Variants in CASZ1 observed in about 807,000 individuals in gnomAD.
CASZ1 encodes zinc finger protein castor homolog 1.
Under a neutral mutation model 135.2 loss-of-function variants are expected in CASZ1, and 28 were observed. The observed-to-expected ratio is 0.21, with a 90% CI of 0.15 to 0.28. CASZ1 has a LOEUF of 0.28. CASZ1 is among the 10% of genes least tolerant of loss of function. CASZ1 has a pLI of 1.00. For synonymous variants in CASZ1, 1,068 were observed against 1,073.4 expected, an observed-to-expected ratio of 0.99 and a Z score of 0.10; for missense variants, 2,161 against 2,453.3, an observed-to-expected ratio of 0.88 and a Z score of 2.52.
rs1225907025 is a variant in CASZ1 at position 10,676,684 on chromosome 1, G to A, written c.17-11113C>T. ...CTCGACCAGCCTACAGCTCAGAAAC[G>A]AGCCCCTGGCCCGGGGCGAGCAGCC... On this transcript the variant is annotated intron_variant, in intron 4 of 20. Transcript: ENST00000377022. This position sits in a 1 kb window ranked among gnomAD's most constrained non-coding sequence, Gnocchi z 4.5. Among the ~76,000 whole-genome samples, 1 of 152,130 alleles carries A rather than the reference G, an allele frequency of 6.6e-6. No homozygotes were observed. The highest frequency in any genetic ancestry group is 1.5e-5 in the Non-Finnish European group (1 of 68,012).
chr1:10,646,045 G>C lies in CASZ1; in HGVS notation c.3696+83C>G. On this transcript the variant is annotated intron_variant, in intron 17 of 20. Transcript: ENST00000377022. The surrounding 1 kb of genome is among the most constrained non-coding windows in gnomAD (Gnocchi z 6.4). ...GTGTGAGAAATGGAGCCTCTGCCAG[G>C]AGGTGACTGTCCTGTGCCCTGAGCT... is the stretch of plus-strand genomic sequence containing the variant. 1 of 1,317,592 alleles carries C rather than the reference G, an allele frequency of 7.6e-7. No individual in the cohort carries two copies. Among genetic ancestry groups the C allele is most frequent in the Non-Finnish European group, 1.1e-6 (1 of 920,438 alleles). The allele number at this position is 1,317,592 out of a possible 1,614,324, so 81.6% of individuals were successfully genotyped here.
chr1:10,672,299 C>T (rs868277104), intron 4 of CASZ1, among the ~76,000 whole-genome samples: 4 of 151,352 alleles, frequency 2.6e-5, no homozygotes, highest in South Asian at 4.2e-4. Context: ...ACATGCCCCG[C>T]GCCCGGGCCT....
In CASZ1 at chr1:10,666,774, G is replaced by T. The variant is rs1248827922; in HGVS notation, c.17-1203C>A. Among the ~76,000 whole-genome samples the T allele has an allele frequency of 6.6e-6, 1 of 152,200 alleles. No individual in the cohort carries two copies. The highest frequency in any genetic ancestry group is 2.4e-5 in the African/African-American group (1 of 41,454). On this transcript the variant is annotated intron_variant, in intron 4 of 20. Transcript: ENST00000377022. The surrounding 1 kb of genome is among the most constrained non-coding windows in gnomAD (Gnocchi z 5.2). ...CAGCCTGGGACCTGCCACAAAGGCT[G>T]GCGAGGGTGGACACACACACACGCA...
rs558121906 is a variant in CASZ1 at position 10,647,449 on chromosome 1, G to A, written c.3497+352C>T. ...TGTGAGCCACAGAGGAGGCCAATAC[G>A]GAGGCTCGGAGGGAGACGCAGCCCT... is the stretch of plus-strand genomic sequence containing the variant. On this transcript the variant is annotated intron_variant, in intron 16 of 20. Coordinates refer to ENST00000377022, the MANE Select transcript of CASZ1 (RefSeq NM_001079843.3). The surrounding 1 kb of genome is among the most constrained non-coding windows in gnomAD (Gnocchi z 4.9). 7.2e-4 allele frequency: 857 copies of A among 1,185,764 alleles called. 2 individuals carry two copies. The highest frequency in any genetic ancestry group is 8.2e-4 in the Non-Finnish European group (780 of 947,996). 73.5% of individuals were successfully genotyped at this position (1,185,764 alleles called of 1,614,324 possible). A position where few individuals can be genotyped will look rare whatever the true frequency, so the allele number is the denominator to read the frequency against.
chr1:10,649,764 G>T, intron 13 of CASZ1: 1 of 234,448 alleles, frequency 4.3e-6, no homozygotes, highest in Non-Finnish European at 8.3e-6. Context: ...CGGCTCCCTG[G>T]TTATTTTCCT....
chr1:10,747,620 G>A lies in CASZ1; in HGVS notation c.-77+13081C>T, dbSNP rs115911521. Among the ~76,000 whole-genome samples the A allele has an allele frequency of 6.2e-3, 949 of 152,250 alleles. 3 individuals carry two copies. The highest frequency in any genetic ancestry group is 0.01 in the Middle Eastern group (3 of 294). On this transcript the variant is annotated intron_variant, in intron 2 of 20. Transcript: ENST00000377022. The surrounding 1 kb of genome is among the most constrained non-coding windows in gnomAD (Gnocchi z 4.3). ...AAAGCCCAGCCCATGTGCAAGAAAC[G>A]GGAAAGAACCTGCCTTGTGACATCA...
intron 1 of CASZ1, among the ~76,000 whole-genome samples, chr1:10,761,970 G>A (rs372977673): frequency 2.3e-4 from 35 of 152,238 alleles, no homozygotes; most frequent in South Asian, 2.3e-3. Context: ...GCAGCTCTGC[G>A]TTCCTGAAGC....
chr1:10,663,817 T>C lies in CASZ1; in HGVS notation c.505+1266A>G, dbSNP rs978226576. ...GGCGAGGCCTGGATCCCTGAGGCCA[T>C]TGGCAGTTCCAGGCCCGCCTCTGCC... On this transcript the variant is annotated intron_variant, in intron 5 of 20. Transcript: ENST00000377022. Among the ~76,000 whole-genome samples, 5 of 152,186 alleles carry C rather than the reference T, an allele frequency of 3.3e-5. No homozygotes were observed. In the East Asian group the frequency reaches 9.6e-4, roughly 29 times the overall value.
At position 10,642,855 on chromosome 1, in the gene CASZ1, TC is replaced by T. The variant is rs1165494996; in HGVS notation, c.4162+3del. On this transcript the variant is annotated splice_donor_region_variant and intron_variant, in intron 20 of 20. Coordinates refer to ENST00000377022, the MANE Select transcript of CASZ1 (RefSeq NM_001079843.3). ...CCTGCCAGCAGCCCCTGCCTGCCGC[TC>T]ACCTGCCGCGGTGCTCTCGTTACCC... 6.2e-7 allele frequency: 1 copy of T among 1,611,810 alleles called. No homozygotes were observed. The highest frequency in any genetic ancestry group is 1.7e-5 in the Admixed American group (1 of 59,950).
At chr1:10,714,626 T>C (rs977107738) in intron 2 of CASZ1, among the ~76,000 whole-genome samples, 7 of 152,340 alleles carry the variant, frequency 4.6e-5, no homozygotes, top group Admixed American at 4.6e-4. Context: ...CAGCCAGGAA[T>C]GTGCTCCCAG....
intron 1 of CASZ1, among the ~76,000 whole-genome samples, chr1:10,783,141 C>T (rs1244558342): frequency 2.0e-5 from 3 of 152,202 alleles, no homozygotes; most frequent in Admixed American, 6.5e-5. Context: ...CGGCCACCCC[C>T]GCCTCCAGAC....
At chr1:10,692,976 A>G (rs1017835804) in intron 4 of CASZ1, among the ~76,000 whole-genome samples, 10 of 152,218 alleles carry the variant, frequency 6.6e-5, no homozygotes, top group African/African-American at 2.4e-4. Context: ...GGTCCTGGTC[A>G]AAATTTGGTT....
Position 10,647,418 on chromosome 1 carries a change from C to A in CASZ1, c.3497+383G>T. ...TTCACGTGCCCTGCAGAGATTCAGC[C>A]ATGGGTGTGAGCCACAGAGGAGGCC... is the stretch of plus-strand genomic sequence containing the variant. On this transcript the variant is annotated intron_variant, in intron 16 of 20. Transcript: ENST00000377022. The surrounding 1 kb of genome is among the most constrained non-coding windows in gnomAD (Gnocchi z 4.9). The A allele has an allele frequency of 8.9e-7, 1 of 1,121,254 alleles. No individual in the cohort carries two copies. Among genetic ancestry groups the A allele is most frequent in the Non-Finnish European group, 1.1e-6 (1 of 911,828 alleles). The allele number at this position is 1,121,254 out of a possible 1,614,324, so 69.5% of individuals were successfully genotyped here.
intron 2 of CASZ1, among the ~76,000 whole-genome samples, chr1:10,745,885 CTATT>C (rs933312788): frequency 1.3e-5 from 2 of 152,216 alleles, no homozygotes; most frequent in African/African-American, 2.4e-5. Context: ...TCATGAGCTC[CTATT>C]CAAACACAAG....
Position 10,656,631 on chromosome 1 carries a change from T to C in CASZ1, c.1500+15A>G. On this transcript the variant is annotated intron_variant, in intron 8 of 20. Transcript: ENST00000377022. ...TGGTGGCGGAGAGGCGGAGCCCATC[T>C]GGCTGTGGCCGTACCTGGTAGTTAC... The C allele has an allele frequency of 6.3e-7, 1 of 1,579,026 alleles. No homozygotes were observed. Among genetic ancestry groups the C allele is most frequent in the South Asian group, 1.2e-5 (1 of 86,658 alleles).
rs536270844 is a variant in CASZ1, at chr1:10,674,777, A to G, written c.17-9206T>C. 2.0e-5 allele frequency among the ~76,000 whole-genome samples: 3 copies of G among 152,246 alleles called. No homozygotes were observed. The East Asian group carries it at 5.8e-4, about 30-fold the overall frequency. ...TGGCCCTGCTCACCTCTGCCTGGGGATCTGAGAGCTGCCCTAGGCCTCCTG... is the reference window on the plus strand; with the variant it reads ...TGGCCCTGCTCACCTCTGCCTGGGGGTCTGAGAGCTGCCCTAGGCCTCCTG... On this transcript the variant is annotated intron_variant, in intron 4 of 20. Coordinates refer to ENST00000377022, the MANE Select transcript of CASZ1 (RefSeq NM_001079843.3).
Position 10,741,087 on chromosome 1 carries a change from G to T in CASZ1, c.-77+19614C>A, listed in dbSNP as rs1259148167. Among the ~76,000 whole-genome samples the T allele has an allele frequency of 1.3e-5, 2 of 151,966 alleles. No homozygotes were observed. The highest frequency in any genetic ancestry group is 3.9e-4 in the East Asian group (2 of 5,174). On this transcript the variant is annotated intron_variant, in intron 2 of 20. Coordinates refer to ENST00000377022, the MANE Select transcript of CASZ1 (RefSeq NM_001079843.3). The surrounding 1 kb of genome is among the most constrained non-coding windows in gnomAD (Gnocchi z 5.0). ...AGCTCATTGCAACCTCCGTTTCCTG[G>T]GTTCAAGTGATTCTCCTGCCTCAGC...
At chr1:10,752,258 C>T (rs1190013694) in intron 2 of CASZ1, among the ~76,000 whole-genome samples, 1 of 152,236 alleles carries the variant, frequency 6.6e-6, no homozygotes, top group East Asian at 1.9e-4. Flanking sequence ...AGTGGGCCAT[C>T]CCTGCCCACC....
At position 10,755,612 on chromosome 1, in the gene CASZ1, G is replaced by A. The variant is rs923571488; in HGVS notation, c.-77+5089C>T. Reference sequence around the variant, plus strand: ...CTGGGGCCCGTGCATGGCGAGATGCGGGGTTTTCCTGCATCTGCTCCGAAG... The same window carrying A: ...CTGGGGCCCGTGCATGGCGAGATGCAGGGTTTTCCTGCATCTGCTCCGAAG... On this transcript the variant is annotated intron_variant, in intron 2 of 20. Coordinates refer to ENST00000377022, the MANE Select transcript of CASZ1 (RefSeq NM_001079843.3). The surrounding 1 kb of genome is among the most constrained non-coding windows in gnomAD (Gnocchi z 4.3). Among the ~76,000 whole-genome samples, 1 of 152,042 alleles carries A rather than the reference G, an allele frequency of 6.6e-6. No homozygotes were observed. Among genetic ancestry groups the A allele is most frequent in the Admixed American group, 6.5e-5 (1 of 15,276 alleles).
Sources: gnomAD v4.1 joint callset for allele counts (sites outside exome capture counted in the v4.1 genomes callset) on GRCh38, gnomAD v4.1.1 for gene constraint, Gnocchi (gnomAD v3.1) non-coding constraint, MANE v1.5 for transcripts, NCBI Gene and HGNC (gene_info 2026-07-23, HGNC 2026-07-21) for gene names.